Variants in SERAC1 observed in about 807,000 individuals in gnomAD.
SERAC1 encodes protein SERAC1.
SERAC1 carries 36 observed loss-of-function variants against 85.7 expected under a neutral mutation model. The observed-to-expected ratio is 0.42, with a 90% CI of 0.32 to 0.55. SERAC1 has a LOEUF of 0.55. Ranked by LOEUF, SERAC1 falls within the 20% of genes least tolerant of loss-of-function variation. The pLI is 0.11. For missense variants in SERAC1, 629 were observed against 796.2 expected (o/e 0.79, Z 2.53); for synonymous variants, 242 against 265.3 (o/e 0.91, Z 0.85).
chr6:158,150,783 T>A (rs1379564846), intron 3 of SERAC1, among the ~76,000 whole-genome samples, 194 bp from the exon 4 acceptor site: 1 of 152,212 alleles, frequency 6.6e-6, no homozygotes, highest in East Asian at 1.9e-4. Flanking sequence ...AGACCTCATA[T>A]ACGATAGTGG....
chr6:158,114,584 T>C, intron 15 of SERAC1: 5 of 1,243,108 alleles, frequency 4.0e-6, no homozygotes, highest in Non-Finnish European at 5.1e-6. Flanking sequence ...ATTATTACAA[T>C]GCTTGAGTAA....
intron 9 of SERAC1, among the ~76,000 whole-genome samples, chr6:158,129,941 C>T (rs914749316): frequency 6.6e-6 from 1 of 152,190 alleles, no homozygotes; most frequent in Non-Finnish European, 1.5e-5. Flanking sequence ...GGTGACCCAC[C>T]CGCCTCAGCC....
chr6:158,126,889 A>T (rs1365991268), intron 10 of SERAC1, among the ~76,000 whole-genome samples: 3 of 152,048 alleles, frequency 2.0e-5, no homozygotes. Flanking sequence ...CCGTCTCTAC[A>T]AAAAGTTTTT....
chr6:158,128,975 C>G (rs1784607413), intron 9 of SERAC1, among the ~76,000 whole-genome samples: 1 of 152,184 alleles, frequency 6.6e-6, no homozygotes, highest in Non-Finnish European at 1.5e-5. Flanking sequence ...TAGTTTTACT[C>G]AAGGACATGA....
At chr6:158,128,838 T>G (rs1784605018) in intron 9 of SERAC1, among the ~76,000 whole-genome samples, 1 of 152,168 alleles carries the variant, frequency 6.6e-6, no homozygotes, top group East Asian at 1.9e-4. Context: ...AAAAAGGGAT[T>G]TGAAGTTTTA....
At chr6:158,114,662 ATAGTCTAAACACAATTATATACAAAT>A (rs775982768) in intron 15 of SERAC1, 101 bp downstream of exon 15, 1 of 1,465,224 alleles carries the variant, frequency 6.8e-7, no homozygotes, top group East Asian at 2.5e-5. Flanking sequence ...ATTTCCATGA[ATAGTCTAAACACAATTATATACAAAT>A]TATAAAATGA....
At chr6:158,146,956 T>C (rs752981337) in intron 5 of SERAC1, 43 bp from the exon 6 acceptor site, 69 of 1,591,420 alleles carry the variant, frequency 4.3e-5, no homozygotes, top group Non-Finnish European at 5.2e-5. Flanking sequence ...AAAGTTAAGA[T>C]AATACTTTTA....
At chr6:158,156,097 C>A (rs1463081992) in intron 2 of SERAC1, among the ~76,000 whole-genome samples, 2 of 152,016 alleles carry the variant, frequency 1.3e-5, no homozygotes, top group Non-Finnish European at 2.9e-5. Context: ...TGCAGTGAGC[C>A]GAGATTGTGC....
At chr6:158,164,175 AG>A (rs2128426317) in intron 1 of SERAC1, among the ~76,000 whole-genome samples, 1 of 151,930 alleles carries the variant, frequency 6.6e-6, no homozygotes, top group African/African-American at 2.4e-5. Flanking sequence ...TCTATTTAAA[AG>A]CACCTTTAAG....
rs1424987032 is a variant in SERAC1 at position 158,120,607 on chromosome 6, A to T, written c.1016-32T>A. ...AAAAGTACACATATCCTAAATACTG[A>T]TGTGAATCCATCGCAGACCACAGAG... On this transcript the variant is annotated intron_variant, in intron 10 of 16. Coordinates refer to ENST00000647468, the MANE Select transcript of SERAC1 (RefSeq NM_032861.4). This position sits in a 1 kb window ranked among gnomAD's most constrained non-coding sequence, Gnocchi z 4.4. 1 of 1,603,052 alleles carries T rather than the reference A, an allele frequency of 6.2e-7. No homozygotes were observed.
chr6:158,164,950 T>A (rs1162821861), intron 1 of SERAC1, among the ~76,000 whole-genome samples: 1 of 152,154 alleles, frequency 6.6e-6, no homozygotes, highest in African/African-American at 2.4e-5. Flanking sequence ...CAACTGACAG[T>A]TTGAATTAAA....
chr6:158,164,500 C>T lies in SERAC1; in HGVS notation c.-2+3640G>A, dbSNP rs531423876. ...AAAAAAATATATATATATATTATGA[C>T]GGTGATTACATAAAATCTGAAACAC... On this transcript the variant is annotated intron_variant, in intron 1 of 16. Coordinates refer to ENST00000647468, the MANE Select transcript of SERAC1 (RefSeq NM_032861.4). Among the ~76,000 whole-genome samples, 31 of 151,760 alleles carry T rather than the reference C, an allele frequency of 2.0e-4. 1 individual carries two copies. The highest frequency in any genetic ancestry group is 1.6e-3 in the Admixed American group (25 of 15,226).
chr6:158,160,350 C>CACCCCAAT (rs764182084), intron 1 of SERAC1, among the ~76,000 whole-genome samples: 21 of 152,100 alleles, frequency 1.4e-4, no homozygotes, highest in Admixed American at 4.6e-4. Context: ...TAGTGCAAAA[C>CACCCCAAT]ACCCCAATCT....
At chr6:158,125,356 T>G (rs1784515862) in intron 10 of SERAC1, among the ~76,000 whole-genome samples, 1 of 152,204 alleles carries the variant, frequency 6.6e-6, no homozygotes. Flanking sequence ...AGAGGCTTCA[T>G]GCAACATGCA....
At chr6:158,131,377 A>G (rs1251902085) in intron 8 of SERAC1, among the ~76,000 whole-genome samples, 1 of 147,092 alleles carries the variant, frequency 6.8e-6, no homozygotes, top group Non-Finnish European at 1.5e-5. Context: ...TTATATCTAT[A>G]TATTATATAT....
intron 8 of SERAC1, among the ~76,000 whole-genome samples, chr6:158,137,747 T>C (rs545068023): frequency 4.3e-4 from 65 of 151,786 alleles, no homozygotes; most frequent in Middle Eastern, 6.8e-3. Context: ...GGCATAGTGG[T>C]ACACGCCTGT....
At position 158,141,791 on chromosome 6, in the gene SERAC1, G is replaced by A. The variant is rs146656511; in HGVS notation, c.738+1265C>T. ...ACAGAAAGGGCTATAGAGGCCAGACGACAGAACTCTCAGCATCAAAAAGAA... is the reference window on the plus strand; with the variant it reads ...ACAGAAAGGGCTATAGAGGCCAGACAACAGAACTCTCAGCATCAAAAAGAA... On this transcript the variant is annotated intron_variant, in intron 8 of 16. Coordinates refer to ENST00000647468, the MANE Select transcript of SERAC1 (RefSeq NM_032861.4). Among the ~76,000 whole-genome samples the A allele has an allele frequency of 8.4e-4, 128 of 152,288 alleles. 1 individual carries two copies. Among genetic ancestry groups the A allele is most frequent in the East Asian group, 3.9e-4 (2 of 5,182 alleles).
intron 9 of SERAC1, among the ~76,000 whole-genome samples, chr6:158,129,126 A>G (rs1240509050): frequency 6.6e-6 from 1 of 152,222 alleles, no homozygotes; most frequent in African/African-American, 2.4e-5. Flanking sequence ...TTCTGGAAAG[A>G]TAACTATTAT....
chr6:158,157,013 T>C (rs1338527096), intron 2 of SERAC1, among the ~76,000 whole-genome samples: 1 of 146,750 alleles, frequency 6.8e-6, no homozygotes, highest in Non-Finnish European at 1.5e-5. Flanking sequence ...TATATATATG[T>C]ATAGACAGAG....
Sources: gnomAD v4.1 joint callset for allele counts (sites outside exome capture counted in the v4.1 genomes callset) on GRCh38, gnomAD v4.1.1 for gene constraint, Gnocchi (gnomAD v3.1) non-coding constraint, MANE v1.5 for transcripts, NCBI Gene and HGNC (gene_info 2026-07-23, HGNC 2026-07-21) for gene names.